The following CORO7 variants were observed in gnomAD, a reference collection of about 807,000 sequenced individuals.
CORO7 encodes coronin 7.
Under a neutral mutation model 126.6 loss-of-function variants are expected in CORO7, and 107 were observed. That is an observed-to-expected ratio of 0.85 (90% CI 0.72 to 0.99). The LOEUF (loss-of-function observed/expected upper bound fraction) is 0.99, where lower values mean the gene tolerates loss of function less well. CORO7 is among the 50% of genes least tolerant of loss of function. The probability of loss-of-function intolerance (pLI) is 0.00; values close to 1 mark genes in which losing one functional copy is unlikely to be tolerated. For missense variants in CORO7, 1,314 were observed against 1,255.8 expected, an observed-to-expected ratio of 1.05 and a Z score of -0.70; for synonymous variants, 603 against 536.8, an observed-to-expected ratio of 1.12 and a Z score of -1.70.
In CORO7 at chr16:4,405,550, C is replaced by A; in HGVS notation, c.505G>T (p.Asp169Tyr). The change falls in exon 6 of 28, where the codon GAC becomes TAC. Residue 169 changes from aspartate (D) to tyrosine (Y), a missense_variant. Transcript: ENST00000251166. ...QPLTELAAHG[D>Y]LVQSAVWSRD... ...CTCCAGACGGCGCTCTGCACCAGGT[C>A]CCCATGGGCTGCCAGCTCTGCAGAG... The A allele has an allele frequency of 1.2e-6, 2 of 1,612,850 alleles. No homozygotes were observed. The highest frequency in any genetic ancestry group is 1.7e-6 in the Non-Finnish European group (2 of 1,179,868).
chr16:4,375,690 A>G (rs960138776), intron 9 of CORO7, among the ~76,000 whole-genome samples: 3 of 152,136 alleles, frequency 2.0e-5, no homozygotes, highest in Non-Finnish European at 4.4e-5. Context: ...GGGTTTCACC[A>G]TGTTAGCCAG....
At chr16:4,389,641 G>C (rs531513291) in intron 7 of CORO7, among the ~76,000 whole-genome samples, 44 of 152,292 alleles carry the variant, frequency 2.9e-4, no homozygotes, top group African/African-American at 1.0e-3. Context: ...GGCTGTGGCC[G>C]GCACAGGAAG....
In CORO7 at chr16:4,382,070, C is replaced by T. The variant is rs368386504; in HGVS notation, c.785+5916G>A. The T allele has an allele frequency of 6.1e-5, 97 of 1,588,004 alleles. No individual in the cohort carries two copies. The highest frequency in any genetic ancestry group is 3.3e-4 in the Middle Eastern group (2 of 6,024). ...CCCAGCCCGCCCTCCACTGCCCCAC[C>T]GACTGTAGGGCCTGTCCCCCAGCCC... is the stretch of plus-strand genomic sequence containing the variant. On this transcript the variant is annotated intron_variant, in intron 9 of 27. Transcript: ENST00000251166.
intron 23 of CORO7, chr16:4,358,740 G>C (rs1231106999): frequency 4.9e-6 from 2 of 412,204 alleles, no homozygotes; most frequent in Non-Finnish European, 8.6e-6. Flanking sequence ...CCTGAATGTG[G>C]TGTTGGGAAG....
In CORO7 at chr16:4,416,510, G is replaced by A. The variant is rs766421650; in HGVS notation, c.9C>T (p.Arg3=). 2.5e-6 allele frequency: 4 copies of A among 1,577,118 alleles called. No individual in the cohort carries two copies. In the South Asian group the frequency reaches 4.6e-5, roughly 18 times the overall value. MN[R]FRVSKFRHTE... ...TGTGCCGGAACTTGGACACCCTGAA[G>A]CGGTTCATGGCGACGGGCACGGCGG... Residue 3 remains arginine, a synonymous_variant, in exon 1 of 28, where the codon CGC becomes CGT. Coordinates refer to ENST00000251166, the MANE Select transcript of CORO7 (RefSeq NM_024535.5).
At chr16:4,402,732 G>A (rs1023383573) in intron 6 of CORO7, among the ~76,000 whole-genome samples, 2 of 152,228 alleles carry the variant, frequency 1.3e-5, no homozygotes, top group Admixed American at 6.5e-5. Flanking sequence ...CTGGCTCAGC[G>A]GAGAGGAACT....
intron 26 of CORO7, chr16:4,356,795 AAAG>A (rs1440816971): frequency 4.1e-6 from 1 of 242,404 alleles, no homozygotes; most frequent in African/African-American, 2.3e-5. Context: ...AAAAAGACAC[AAAG>A]AAGAGACAGG....
Position 4,354,849 on chromosome 16 carries a change from G to C in CORO7, c.*309C>G. ...GCTGGGACCAGCCCAGGTCAGCAGT[G>C]AGACCAGGGGAGACAGGGTGCCCAG... On this transcript the variant is annotated 3_prime_UTR_variant, in exon 28 of 28. Transcript: ENST00000251166. 1 of 395,446 alleles carries C rather than the reference G, an allele frequency of 2.5e-6. No homozygotes were observed. The highest frequency in any genetic ancestry group is 1.2e-4 in the South Asian group (1 of 8,672). The allele number at this position is 395,446 out of a possible 1,614,324, so 24.5% of individuals were successfully genotyped here. A position where few individuals can be genotyped will look rare whatever the true frequency, so the allele number is the denominator to read the frequency against.
chr16:4,364,718 A>C, intron 12 of CORO7, 29 bp from the exon 13 acceptor site: 4 of 1,588,698 alleles, frequency 2.5e-6, no homozygotes, highest in Non-Finnish European at 3.4e-6. Context: ...GCAGCTAGTG[A>C]GGCCCAGGCC....
At position 4,364,810 on chromosome 16, in the gene CORO7, C is replaced by T. The variant is rs1318242047; in HGVS notation, c.1009G>A (p.Ala337Thr). The T allele has an allele frequency of 2.5e-6, 4 of 1,611,888 alleles. No individual in the cohort carries two copies. The highest frequency in any genetic ancestry group is 1.1e-5 in the South Asian group (1 of 90,974). ...ACATGGTAGCCGATGGGCACGATGG[C>T]TGTGTCGCTCAGCTGTAGGACGCGG... is the stretch of plus-strand genomic sequence containing the variant. ...VLRVLQLSDT[A>T]IVPIGYHVPR... is the part of the protein sequence containing the mutation. Residue 337 changes from alanine (A) to threonine (T), a missense_variant, in exon 12 of 28, where the codon GCC (alanine) becomes ACC (threonine). Ala to Thr is a moderately conservative substitution (Grantham distance 58). Coordinates refer to ENST00000251166, the MANE Select transcript of CORO7 (RefSeq NM_024535.5).
At chr16:4,363,784 C>T (rs956799526) in intron 14 of CORO7, among the ~76,000 whole-genome samples, 11 of 151,506 alleles carry the variant, frequency 7.3e-5, no homozygotes, top group African/African-American at 2.4e-4. Context: ...TTTGGGAGGC[C>T]GAGGCGGGTG....
intron 9 of CORO7, among the ~76,000 whole-genome samples, chr16:4,375,484 C>T (rs1464297041): frequency 6.6e-6 from 1 of 151,730 alleles, no homozygotes; most frequent in Non-Finnish European, 1.5e-5. Context: ...GGGTCTCACT[C>T]CTAGACATTC....
chr16:4,379,121 C>T (rs1291797203), intron 9 of CORO7, among the ~76,000 whole-genome samples: 2 of 151,868 alleles, frequency 1.3e-5, no homozygotes, highest in Non-Finnish European at 2.9e-5. Context: ...TGGACGGGTC[C>T]CCCCAGCCTG....
chr16:4,368,288 A>C (rs1287484653), intron 9 of CORO7, among the ~76,000 whole-genome samples: 1 of 152,094 alleles, frequency 6.6e-6, no homozygotes. Context: ...TGGAGTTTGC[A>C]GTGAGCCGAG....
chr16:4,364,939 G>A lies in CORO7; in HGVS notation c.899-19C>T, dbSNP rs2054301513. 6.2e-7 allele frequency: 1 copy of A among 1,609,472 alleles called. No individual in the cohort carries two copies. On this transcript the variant is annotated intron_variant, in intron 11 of 27. Transcript: ENST00000251166. ...TGGGTCACTGTTGAGGACACCATAG[G>A]GGAACAGGCAGGATGGGCAGGGGAG...
At chr16:4,366,534 GCTT>G (rs1354408596) in intron 9 of CORO7, among the ~76,000 whole-genome samples, 3 of 129,894 alleles carry the variant, frequency 2.3e-5, no homozygotes, top group African/African-American at 9.8e-5. Flanking sequence ...CCTGATCTTT[GCTT>G]TTTTTTTTTT....
chr16:4,387,419 G>A (rs1410341447), intron 9 of CORO7, among the ~76,000 whole-genome samples: 8 of 152,232 alleles, frequency 5.3e-5, no homozygotes, highest in Admixed American at 3.9e-4. Flanking sequence ...CAGGCTGCCT[G>A]GGCACCAGCC....
chr16:4,365,105 G>A, intron 10 of CORO7, 45 bp from the exon 11 acceptor site: 1 of 1,562,692 alleles, frequency 6.4e-7, no homozygotes, highest in Non-Finnish European at 8.7e-7. Flanking sequence ...CTGAACCCCT[G>A]GGGAGGGCCC....
Position 4,360,971 on chromosome 16 carries a change from C to G in CORO7, c.1889G>C (p.Arg630Pro). 1 of 1,612,430 alleles carries G rather than the reference C, an allele frequency of 6.2e-7. No homozygotes were observed. The highest frequency in any genetic ancestry group is 8.5e-7 in the Non-Finnish European group (1 of 1,180,010). The stretch of plus-strand genomic sequence containing the variant: ...GTCTTGGTGGCCCTGCAGCTTCAGC[C>G]GATCAGCTCCAGCCTGAAGGTCCCA... ...RIWDLQAGAD[R>P]LKLQGHQDQI... Residue 630 changes from arginine (R) to proline (P), a missense_variant, in exon 19 of 28, where the codon CGG (arginine) becomes CCG (proline). By Grantham distance (103) the Arg-to-Pro change is moderately radical. Coordinates refer to ENST00000251166, the MANE Select transcript of CORO7 (RefSeq NM_024535.5).
Sources: gnomAD v4.1 joint callset for allele counts (sites outside exome capture counted in the v4.1 genomes callset) on GRCh38, gnomAD v4.1.1 for gene constraint, MANE v1.5 for transcripts, NCBI Gene and HGNC (gene_info 2026-07-23, HGNC 2026-07-21) for gene names.